Variants in NCKAP5 observed in about 807,000 individuals in gnomAD.
NCKAP5 encodes the protein NCK associated protein 5, also known as nck-associated protein 5.
In NCKAP5, 92 loss-of-function variants were observed where a neutral mutation model predicts 167.0. The observed-to-expected ratio is 0.55, with a 90% CI of 0.47 to 0.66. The LOEUF is 0.66. Ranked by LOEUF, NCKAP5 falls within the 30% of genes least tolerant of loss-of-function variation. NCKAP5 has a pLI of 0.00. For missense variants in NCKAP5, 2,378 were observed against 2,315.0 expected (o/e 1.03, Z -0.56); for synonymous variants, 891 against 877.4 (o/e 1.02, Z -0.27).
chr2:133,012,570 C>T (rs1165347445), intron 6 of NCKAP5, among the ~76,000 whole-genome samples: 2 of 152,062 alleles, frequency 1.3e-5, no homozygotes, highest in African/African-American at 4.8e-5. Context: ...TGAAGTCCTC[C>T]CCTTCAATGG....
chr2:133,436,040 G>C (rs1456604675), intron 3 of NCKAP5, among the ~76,000 whole-genome samples: 3 of 152,146 alleles, frequency 2.0e-5, no homozygotes, highest in African/African-American at 7.2e-5. Flanking sequence ...AACTATCCTT[G>C]ACAGCTCATG....
intron 13 of NCKAP5, 84 bp downstream of exon 13, chr2:132,789,939 C>T: frequency 2.2e-6 from 3 of 1,375,480 alleles, no homozygotes; most frequent in South Asian, 2.9e-5. Context: ...CTTCTTACCC[C>T]TCCCACCTGC....
At chr2:133,014,551 A>G (rs1004858030) in intron 6 of NCKAP5, among the ~76,000 whole-genome samples, 4 of 152,194 alleles carry the variant, frequency 2.6e-5, no homozygotes, top group Non-Finnish European at 5.9e-5. Context: ...TAGTTGAATT[A>G]TACTGTCTAT....
At chr2:132,795,834 A>C (rs1329262531) in intron 12 of NCKAP5, among the ~76,000 whole-genome samples, 8 of 149,112 alleles carry the variant, frequency 5.4e-5, no homozygotes, top group Non-Finnish European at 1.2e-4. Context: ...AAAAAAAAAA[A>C]AAAACAAAAA....
intron 8 of NCKAP5, among the ~76,000 whole-genome samples, chr2:132,884,752 G>A (rs1048292516): frequency 5.9e-5 from 9 of 152,062 alleles, no homozygotes; most frequent in Admixed American, 6.6e-5. Flanking sequence ...AACTGCAAAT[G>A]CCACTTCACA....
intron 9 of NCKAP5, among the ~76,000 whole-genome samples, chr2:132,870,108 C>T (rs974270070): frequency 1.3e-5 from 2 of 152,144 alleles, no homozygotes; most frequent in African/African-American, 4.8e-5. Flanking sequence ...TAACACAATT[C>T]CAGCTAAGGA....
intron 9 of NCKAP5, among the ~76,000 whole-genome samples, chr2:132,875,994 T>C (rs1691235144): frequency 6.6e-6 from 1 of 152,214 alleles, no homozygotes; most frequent in Admixed American, 6.5e-5. Context: ...GCTCTTCTAT[T>C]GGAACACAGA....
intron 6 of NCKAP5, among the ~76,000 whole-genome samples, chr2:133,129,092 CT>C (rs58355335): frequency 0.025 from 3,664 of 143,836 alleles, 149 homozygotes; most frequent in African/African-American, 0.086. Flanking sequence ...TTTGGCTGGC[CT>C]TTTTTTTTTT....
At chr2:132,747,527 G>T (rs1679753176) in intron 16 of NCKAP5, among the ~76,000 whole-genome samples, 1 of 111,928 alleles carries the variant, frequency 8.9e-6, no homozygotes, top group Non-Finnish European at 1.9e-5. Context: ...TGAAGCTCAG[G>T]ATCTTCTTAT....
chr2:133,144,647 A>G (rs1242782320), intron 5 of NCKAP5, among the ~76,000 whole-genome samples: 2 of 152,160 alleles, frequency 1.3e-5, no homozygotes, highest in African/African-American at 4.8e-5. Flanking sequence ...AAATCACGTA[A>G]TATTTGTGCT....
intron 6 of NCKAP5, among the ~76,000 whole-genome samples, chr2:133,083,415 G>T (rs529975631): frequency 1.3e-3 from 202 of 152,270 alleles, no homozygotes; most frequent in Admixed American, 2.4e-3. Context: ...GGGGACTGAG[G>T]AGAATGGTAT....
At chr2:133,638,184 T>C in the NCKAP5 span, among the ~76,000 whole-genome samples, 1 of 152,102 alleles carries the variant, frequency 6.6e-6, no homozygotes, top group Non-Finnish European at 1.5e-5. Flanking sequence ...ACTGGAAGAA[T>C]AACAATAGAA....
intron 5 of NCKAP5, among the ~76,000 whole-genome samples, chr2:133,210,539 G>A (rs567648179): frequency 1.3e-5 from 2 of 152,116 alleles, no homozygotes; most frequent in South Asian, 2.1e-4. Context: ...TGCTACAGAC[G>A]TAACAAAAGT....
chr2:132,693,123 C>T (rs566564972), intron 19 of NCKAP5, among the ~76,000 whole-genome samples: 54 of 152,286 alleles, frequency 3.5e-4, no homozygotes, highest in Non-Finnish European at 6.5e-4. Flanking sequence ...GGATTTCTTC[C>T]TGCTGAAGTC....
At chr2:133,466,710 G>C (rs1278889440) in intron 3 of NCKAP5, among the ~76,000 whole-genome samples, 1 of 152,076 alleles carries the variant, frequency 6.6e-6, no homozygotes, top group Non-Finnish European at 1.5e-5. Flanking sequence ...TAATTCTCCT[G>C]GAAGAAGTCC....
intron 5 of NCKAP5, among the ~76,000 whole-genome samples, chr2:133,200,704 A>C (rs1559258715): frequency 6.6e-6 from 1 of 152,214 alleles, no homozygotes; most frequent in Non-Finnish European, 1.5e-5. Context: ...CATATTTGCC[A>C]ATCATTTCTC....
chr2:132,760,574 T>C (rs1363130533), intron 16 of NCKAP5, among the ~76,000 whole-genome samples: 26 of 151,884 alleles, frequency 1.7e-4, no homozygotes, highest in Non-Finnish European at 2.9e-5. Context: ...TGTGTATTAT[T>C]GCTTTTTTCT....
intron 19 of NCKAP5, among the ~76,000 whole-genome samples, chr2:132,711,146 T>C (rs1411122388): frequency 2.0e-5 from 3 of 152,168 alleles, no homozygotes; most frequent in Non-Finnish European, 4.4e-5. Context: ...TGTTCTACAA[T>C]AGTAAATATG....
intron 11 of NCKAP5, among the ~76,000 whole-genome samples, chr2:132,813,357 T>C (rs1048308776): frequency 2.6e-5 from 4 of 152,198 alleles, no homozygotes; most frequent in African/African-American, 9.6e-5. Context: ...GCTGTGGGCC[T>C]CCATTACTCT....
Sources: allele counts gnomAD v4.1 joint callset (sites outside exome capture counted in the v4.1 genomes callset), GRCh38; gene constraint gnomAD v4.1.1; transcripts MANE v1.5; gene names NCBI Gene and HGNC (gene_info 2026-07-23, HGNC 2026-07-21).